The following ATP2C1 variants were observed in gnomAD, a reference collection of about 807,000 sequenced individuals.
ATP2C1 encodes the protein calcium-transporting ATPase type 2C member 1.
A neutral mutation model predicts 120.5 loss-of-function variants in ATP2C1; 31 were observed. The ratio of observed to expected loss-of-function variants is 0.26; its 90% CI spans 0.19 to 0.35. The LOEUF (loss-of-function observed/expected upper bound fraction) is 0.35, where lower values mean the gene tolerates loss of function less well. ATP2C1 is among the 10% of genes least tolerant of loss of function. ATP2C1 has a pLI of 1.00. For missense variants in ATP2C1, 731 were observed against 1,107.5 expected, an observed-to-expected ratio of 0.66 and a Z score of 4.83; for synonymous variants, 351 against 358.7, an observed-to-expected ratio of 0.98 and a Z score of 0.24.
At chr3:130,918,943 G>C (rs933454211) in intron 2 of ATP2C1, 1 of 359,992 alleles carries the variant, frequency 2.8e-6, no homozygotes. Flanking sequence ...CGTGAGCCTA[G>C]ATCGCGCCAC....
chr3:130,924,581 A>T (rs1246688749), intron 2 of ATP2C1, among the ~76,000 whole-genome samples: 1 of 152,106 alleles, frequency 6.6e-6, no homozygotes, highest in Non-Finnish European at 1.5e-5. Flanking sequence ...TTTCCCAGGT[A>T]TTTTTGAGCC....
intron 2 of ATP2C1, among the ~76,000 whole-genome samples, chr3:130,919,456 T>C (rs180926243): frequency 6.6e-5 from 10 of 152,102 alleles, no homozygotes; most frequent in African/African-American, 2.4e-4. Flanking sequence ...TTACTGCAGG[T>C]GATCCGCCTG....
At chr3:130,895,170 G>T (rs1277509054) in intron 2 of ATP2C1, among the ~76,000 whole-genome samples, 1 of 152,198 alleles carries the variant, frequency 6.6e-6, no homozygotes, top group Admixed American at 6.5e-5. Flanking sequence ...TTCAAGCCTC[G>T]ATGTGGTGTG....
At chr3:130,972,743 C>T (rs1032484738) in intron 17 of ATP2C1, among the ~76,000 whole-genome samples, 18 of 150,646 alleles carry the variant, frequency 1.2e-4, no homozygotes, top group Non-Finnish European at 7.4e-5. Flanking sequence ...CGATAGTTTA[C>T]TGAGAATGAT....
chr3:130,945,001 A>AT (rs898140786), intron 8 of ATP2C1, among the ~76,000 whole-genome samples: 10 of 151,946 alleles, frequency 6.6e-5, no homozygotes, highest in African/African-American at 1.2e-4. Flanking sequence ...AAAAGTTCGT[A>AT]TTTTTTTTAC....
chr3:130,957,611 A>G (rs1343285039), intron 11 of ATP2C1, among the ~76,000 whole-genome samples: 2 of 152,158 alleles, frequency 1.3e-5, no homozygotes, highest in Non-Finnish European at 1.5e-5. Flanking sequence ...CAATGGCGCA[A>G]TCCCGGCTGA....
At chr3:130,918,809 G>T in intron 2 of ATP2C1, 1 of 348,006 alleles carries the variant, frequency 2.9e-6, no homozygotes, top group Non-Finnish European at 5.6e-6. Context: ...GGCTAACATG[G>T]TGAAACCCGG....
At chr3:130,916,529 T>TTA (rs1402074461) in intron 2 of ATP2C1, among the ~76,000 whole-genome samples, 1 of 152,026 alleles carries the variant, frequency 6.6e-6, no homozygotes, top group Admixed American at 6.6e-5. Flanking sequence ...GTGCTTAAAT[T>TTA]TATATATATA....
chr3:130,919,430 G>A (rs987649469), intron 2 of ATP2C1, among the ~76,000 whole-genome samples: 1 of 151,830 alleles, frequency 6.6e-6, no homozygotes, highest in African/African-American at 2.4e-5. Flanking sequence ...TGTTAACCAG[G>A]CTGTTGTCGA....
intron 7 of ATP2C1, among the ~76,000 whole-genome samples, chr3:130,941,222 C>CTGTGTGTGTGTG (rs1448986686): frequency 6.1e-4 from 64 of 105,216 alleles, no homozygotes; most frequent in African/African-American, 2.0e-3. Context: ...CTGTATTTAA[C>CTGTGTGTGTGTG]AGTGTGTGTG....
chr3:130,941,317 T>C (rs570117497), intron 7 of ATP2C1, among the ~76,000 whole-genome samples: 2 of 151,930 alleles, frequency 1.3e-5, no homozygotes, highest in African/African-American at 4.8e-5. Context: ...TGCGCAAGTG[T>C]GTGCTAAGCC....
intron 17 of ATP2C1, among the ~76,000 whole-genome samples, chr3:130,972,325 A>G (rs1458800122): frequency 6.6e-6 from 1 of 152,064 alleles, no homozygotes; most frequent in Non-Finnish European, 1.5e-5. Context: ...GCCCTGTCAT[A>G]AGGGGCACCT....
Position 130,965,161 on chromosome 3 carries a change from G to A in ATP2C1, c.1122+116G>A, listed in dbSNP as rs1359136394. 4.1e-6 allele frequency: 3 copies of A among 723,914 alleles called. No individual in the cohort carries two copies. The East Asian group carries it at 8.1e-5, about 20-fold the overall frequency. 44.8% of individuals were successfully genotyped at this position (723,914 alleles called of 1,614,324 possible). On this transcript the variant is annotated intron_variant, in intron 14 of 27. Transcript: ENST00000510168. ...TCAAAAGGGCTGTAAATTAGTAGTGGAGTTATTTTCTCTCTCTGTGATTTT... is the reference window on the plus strand; with the variant it reads ...TCAAAAGGGCTGTAAATTAGTAGTGAAGTTATTTTCTCTCTCTGTGATTTT...
At chr3:130,884,930 C>CTTTTTTTTTT (rs35931105) in intron 1 of ATP2C1, among the ~76,000 whole-genome samples, 4 of 120,848 alleles carry the variant, frequency 3.3e-5, no homozygotes, top group Non-Finnish European at 6.8e-5. Flanking sequence ...TCTTTTCTTT[C>CTTTTTTTTTT]TTTTTTTTTT....
chr3:130,858,168 G>T (rs1373105488), intron 1 of ATP2C1, among the ~76,000 whole-genome samples: 2 of 151,982 alleles, frequency 1.3e-5, no homozygotes, highest in African/African-American at 2.4e-5. Flanking sequence ...CCAGATTGAG[G>T]GTGGGTCTGC....
chr3:131,004,643 A>C (rs1256313802), downstream of ATP2C1, among the ~76,000 whole-genome samples: 1 of 152,254 alleles, frequency 6.6e-6, no homozygotes, highest in Non-Finnish European at 1.5e-5. Flanking sequence ...GTAGAGAAAT[A>C]ACTTCATGGG....
chr3:130,983,028 C>T (rs925655812), intron 20 of ATP2C1, among the ~76,000 whole-genome samples: 6 of 152,020 alleles, frequency 3.9e-5, no homozygotes. Flanking sequence ...TATTAGAAAA[C>T]ATGTTTTTAA....
chr3:130,981,049 T>A (rs910096386), intron 20 of ATP2C1, among the ~76,000 whole-genome samples: 13 of 152,202 alleles, frequency 8.5e-5, no homozygotes, highest in African/African-American at 2.9e-4. Flanking sequence ...TGATTTTTTT[T>A]AGGTACAATT....
chr3:130,913,549 A>G (rs73872058), intron 2 of ATP2C1, among the ~76,000 whole-genome samples: 4,677 of 152,322 alleles, frequency 0.031, 229 homozygotes, highest in African/African-American at 0.1. Context: ...TACTTAAGAC[A>G]TGCTGTTTTT....
Sources: gnomAD v4.1 joint callset for allele counts (sites outside exome capture counted in the v4.1 genomes callset) on GRCh38, gnomAD v4.1.1 for gene constraint, MANE v1.5 for transcripts, NCBI Gene and HGNC (gene_info 2026-07-23, HGNC 2026-07-21) for gene names.